The following KIFC3 variants were observed in gnomAD, a reference collection of about 807,000 sequenced individuals.
KIFC3 encodes the protein kinesin-like protein KIFC3.
KIFC3 carries 60 observed loss-of-function variants against 101.8 expected under a neutral mutation model. That is an observed-to-expected ratio of 0.59 (90% CI 0.48 to 0.73). KIFC3 has a LOEUF of 0.73. KIFC3 is among the 30% of genes least tolerant of loss of function. The pLI is 0.00. For missense variants in KIFC3, 966 were observed against 1,137.1 expected (o/e 0.85, Z 2.16); for synonymous variants, 476 against 482.7 (o/e 0.99, Z 0.18).
At chr16:57,839,193 TA>T (rs368312507) in intron 1 of KIFC3, among the ~76,000 whole-genome samples, 11 of 150,756 alleles carry the variant, frequency 7.3e-5, no homozygotes, top group Admixed American at 2.0e-4. Context: ...ACCCTGTCTC[TA>T]AAAAAATTAA....
At chr16:57,823,964 C>T (rs782023741) in intron 1 of KIFC3, among the ~76,000 whole-genome samples, 23 of 152,006 alleles carry the variant, frequency 1.5e-4, no homozygotes, top group South Asian at 8.3e-4. Flanking sequence ...AGAAAAATTG[C>T]GAGAATAAAG....
intron 10 of KIFC3, among the ~76,000 whole-genome samples, chr16:57,766,298 T>C (rs1415335606): frequency 3.9e-5 from 6 of 152,228 alleles, no homozygotes; most frequent in Non-Finnish European, 8.8e-5. Flanking sequence ...GCTCTAACTT[T>C]GCCTTCTCTG....
At chr16:57,840,496 C>T (rs1258536989) in intron 1 of KIFC3, among the ~76,000 whole-genome samples, 1 of 152,038 alleles carries the variant, frequency 6.6e-6, no homozygotes, top group East Asian at 1.9e-4. Context: ...CACGGTGGCT[C>T]ATGCCTGTAA....
At chr16:57,797,874 A>G in intron 2 of KIFC3, 198 bp downstream of exon 2, 1 of 1,460,814 alleles carries the variant, frequency 6.8e-7, no homozygotes, top group East Asian at 2.5e-5. Context: ...CCTCTTTTCC[A>G]GACAGGGGCG....
chr16:57,791,297 C>T (rs138704320), intron 3 of KIFC3, among the ~76,000 whole-genome samples: 3 of 152,330 alleles, frequency 2.0e-5, no homozygotes, highest in East Asian at 1.9e-4. Context: ...GCCACACCAT[C>T]GCGAGCAGGC....
Position 57,769,517 on chromosome 16 carries a change from GGACGCCCTGAGT to G in KIFC3, c.1218+66_1218+77del. On this transcript the variant is annotated intron_variant, in intron 9 of 19. Transcript: ENST00000445690. This position sits in a 1 kb window ranked among gnomAD's most constrained non-coding sequence, Gnocchi z 4.3. ...GAGCGGCTTTGTCTGAGCTTTGGAG[GGACGCCCTGAGT>G]GGATGTCGTGCCTCTCCCAGTGCAC... The G allele has an allele frequency of 1.3e-6, 2 of 1,525,214 alleles. No individual in the cohort carries two copies. The highest frequency in any genetic ancestry group is 1.8e-6 in the Non-Finnish European group (2 of 1,134,150). 94.5% of individuals were successfully genotyped at this position (1,525,214 alleles called of 1,614,324 possible). A position where few individuals can be genotyped will look rare whatever the true frequency, so the allele number is the denominator to read the frequency against.
chr16:57,788,923 C>A (rs1555619072), intron 3 of KIFC3, among the ~76,000 whole-genome samples: 1 of 152,208 alleles, frequency 6.6e-6, no homozygotes, highest in Non-Finnish European at 1.5e-5. Flanking sequence ...AGTGCCTTCT[C>A]CTGGCCTCCC....
chr16:57,826,088 C>A (rs1367615571), intron 1 of KIFC3, among the ~76,000 whole-genome samples: 1 of 152,266 alleles, frequency 6.6e-6, no homozygotes, highest in Non-Finnish European at 1.5e-5. Context: ...CTCTGCCTCC[C>A]TCCTCTGAGG....
chr16:57,797,624 A>C (rs1598151768), intron 2 of KIFC3: 1 of 973,038 alleles, frequency 1.0e-6, no homozygotes, highest in Non-Finnish European at 1.3e-6. Context: ...GCCTCGGTCC[A>C]CTCCCAACGC....
intron 1 of KIFC3, among the ~76,000 whole-genome samples, chr16:57,837,703 G>A (rs558915913): frequency 1.3e-5 from 2 of 152,198 alleles, no homozygotes; most frequent in East Asian, 3.9e-4. Flanking sequence ...CAAGGATGAG[G>A]GTGTGTCTGT....
chr16:57,765,110 G>A (rs1396442572), intron 11 of KIFC3, among the ~76,000 whole-genome samples: 1 of 151,982 alleles, frequency 6.6e-6, no homozygotes, highest in African/African-American at 2.4e-5. Context: ...GCCACATGGT[G>A]GGAGGAGCCA....
At position 57,769,449 on chromosome 16, in the gene KIFC3, G is replaced by A; in HGVS notation, c.1218+146C>T. ...CTAGTTTCAAACAGGGCCTATAAGG[G>A]CAGCAGTAAGTGTCATGGGGGGTGG... On this transcript the variant is annotated intron_variant, in intron 9 of 19. Transcript: ENST00000445690. The surrounding 1 kb of genome is among the most constrained non-coding windows in gnomAD (Gnocchi z 4.3). The A allele has an allele frequency of 1.0e-6, 1 of 966,398 alleles. No individual in the cohort carries two copies. The highest frequency in any genetic ancestry group is 1.5e-6 in the Non-Finnish European group (1 of 665,628). The allele number at this position is 966,398 out of a possible 1,614,324, so 59.9% of individuals were successfully genotyped here.
In KIFC3 at chr16:57,762,236, G is replaced by A; in HGVS notation, c.1652C>T (p.Ala551Val). The A allele has an allele frequency of 6.3e-7, 1 of 1,596,738 alleles. No homozygotes were observed. Reference sequence around the variant, plus strand: ...CACCTCGGAGAAGAGCAGCTGCAGGGCCCGCTGGTTGATACCTGGGTTCTC... The same window carrying A: ...CACCTCGGAGAAGAGCAGCTGCAGGACCCGCTGGTTGATACCTGGGTTCTC... ...TAENPGINQR[A>V]LQLLFSEVQE... The change falls in exon 13 of 20, where the codon GCC becomes GTC. Residue 551 changes from alanine to valine, a missense_variant. Transcript: ENST00000445690.
intron 1 of KIFC3, among the ~76,000 whole-genome samples, chr16:57,822,970 A>G (rs547746496): frequency 1.3e-5 from 2 of 152,120 alleles, no homozygotes; most frequent in African/African-American, 4.8e-5. Flanking sequence ...CCCCCCAACC[A>G]TCTGAATAAA....
At chr16:57,840,862 C>T (rs1335023635) in intron 1 of KIFC3, among the ~76,000 whole-genome samples, 3 of 152,134 alleles carry the variant, frequency 2.0e-5, no homozygotes, top group African/African-American at 7.2e-5. Context: ...AAGACAATGT[C>T]AAACCTGGCC....
chr16:57,779,112 C>G (rs1555613214), intron 3 of KIFC3, among the ~76,000 whole-genome samples: 1 of 152,026 alleles, frequency 6.6e-6, no homozygotes, highest in African/African-American at 2.4e-5. Context: ...AGGAGGGGTT[C>G]AAAGAGATAC....
chr16:57,797,612 C>T, intron 2 of KIFC3: 1 of 857,010 alleles, frequency 1.2e-6, no homozygotes, highest in Non-Finnish European at 1.4e-6. Flanking sequence ...CGTTCCCGAG[C>T]AGCCTCGGTC....
chr16:57,771,491 A>C, intron 5 of KIFC3, 52 bp downstream of exon 5: 1 of 1,609,942 alleles, frequency 6.2e-7, no homozygotes, highest in Non-Finnish European at 8.5e-7. Context: ...CACTGTGAGG[A>C]GCTGGGGTGG....
upstream of KIFC3, among the ~76,000 whole-genome samples, chr16:57,804,595 T>C (rs1187551101): frequency 6.6e-6 from 1 of 152,142 alleles, no homozygotes; most frequent in Non-Finnish European, 1.5e-5. Flanking sequence ...TGTTTCATGG[T>C]TGTTGCATTT....
Sources: gnomAD v4.1 joint callset for allele counts (sites outside exome capture counted in the v4.1 genomes callset) on GRCh38, gnomAD v4.1.1 for gene constraint, Gnocchi (gnomAD v3.1) non-coding constraint, MANE v1.5 for transcripts, NCBI Gene and HGNC (gene_info 2026-07-23, HGNC 2026-07-21) for gene names.